NDUFAF2: variants seen among roughly 807,000 people sequenced by gnomAD.
NDUFAF2 encodes the protein NADH dehydrogenase [ubiquinone] 1 alpha subcomplex assembly factor 2.
In NDUFAF2, 13 loss-of-function variants were observed where a neutral mutation model predicts 22.8. That is an observed-to-expected ratio of 0.57 (90% CI 0.37 to 0.91). The LOEUF is 0.91. Among genes scored for constraint, NDUFAF2 ranks in the 40% least tolerant of loss-of-function variants. The pLI is 0.01. For synonymous variants in NDUFAF2, 53 were observed against 64.2 expected, an observed-to-expected ratio of 0.83 and a Z score of 0.84; for missense variants, 162 against 195.2, an observed-to-expected ratio of 0.83 and a Z score of 1.01.
chr5:61,066,802 T>G (rs1385988271), intron 1 of NDUFAF2, among the ~76,000 whole-genome samples: 2 of 152,176 alleles, frequency 1.3e-5, no homozygotes, highest in African/African-American at 4.8e-5. Flanking sequence ...GTTGTGTTGT[T>G]GTTTCATCAT....
chr5:61,106,380 C>G (rs1370969184), intron 3 of NDUFAF2, among the ~76,000 whole-genome samples: 1 of 151,268 alleles, frequency 6.6e-6, no homozygotes. Context: ...AAACATTATT[C>G]ACATAGTATT....
intron 3 of NDUFAF2, among the ~76,000 whole-genome samples, chr5:61,111,149 G>C (rs1752835384): frequency 6.6e-6 from 1 of 152,078 alleles, no homozygotes; most frequent in Non-Finnish European, 1.5e-5. Context: ...TTGATTTCTA[G>C]TTTTATTCCA....
At chr5:61,129,243 C>T (rs946153220) in intron 3 of NDUFAF2, among the ~76,000 whole-genome samples, 1 of 152,142 alleles carries the variant, frequency 6.6e-6, no homozygotes, top group African/African-American at 2.4e-5. Context: ...GGGGATTCCT[C>T]AGGGATCTAG....
At position 60,974,726 on chromosome 5, in the gene NDUFAF2, T is replaced by A. The variant is rs1750878998; in HGVS notation, c.127+29344T>A. 2.0e-5 allele frequency among the ~76,000 whole-genome samples: 3 copies of A among 152,344 alleles called. No homozygotes were observed. The South Asian group carries it at 6.2e-4, about 32-fold the overall frequency. ...CTTCTGGGAATTTTCTCAGTTTTTC[T>A]TGGAATGTCCTTGTTTTTCATGAAT... On this transcript the variant is annotated intron_variant, in intron 1 of 3. Transcript: ENST00000296597.
intron 1 of NDUFAF2, among the ~76,000 whole-genome samples, chr5:61,035,456 A>G (rs550137072): frequency 8.2e-4 from 54 of 65,944 alleles, no homozygotes; most frequent in Admixed American, 1.4e-3. Flanking sequence ...TTTTTTTGGT[A>G]AAGGGCTTTT....
chr5:61,077,014 G>A (rs923775090), intron 2 of NDUFAF2, among the ~76,000 whole-genome samples: 1 of 152,204 alleles, frequency 6.6e-6, no homozygotes, highest in Non-Finnish European at 1.5e-5. Context: ...AGTTAAAGGA[G>A]TGCAGTGAAA....
intron 1 of NDUFAF2, among the ~76,000 whole-genome samples, chr5:60,959,710 T>C (rs937400642): frequency 6.6e-5 from 10 of 152,120 alleles, no homozygotes; most frequent in Non-Finnish European, 8.8e-5. Context: ...AATACTTTGT[T>C]GACTATAAAA....
chr5:61,111,146 C>A (rs1331697919), intron 3 of NDUFAF2, among the ~76,000 whole-genome samples: 1 of 152,070 alleles, frequency 6.6e-6, no homozygotes, highest in East Asian at 1.9e-4. Context: ...CTATTGATTT[C>A]TAGTTTTATT....
chr5:60,982,091 G>T (rs1197501730), intron 1 of NDUFAF2, among the ~76,000 whole-genome samples: 2 of 152,090 alleles, frequency 1.3e-5, no homozygotes, highest in African/African-American at 4.8e-5. Flanking sequence ...GGACAAATAG[G>T]ATTACATCAT....
intron 3 of NDUFAF2, among the ~76,000 whole-genome samples, chr5:61,142,199 C>T (rs1352810494): frequency 1.3e-5 from 2 of 152,074 alleles, no homozygotes; most frequent in Non-Finnish European, 2.9e-5. Context: ...ATTTCTTTTT[C>T]AATTAAATAA....
At chr5:61,064,096 A>G (rs549418767) in intron 1 of NDUFAF2, among the ~76,000 whole-genome samples, 15 of 152,144 alleles carry the variant, frequency 9.9e-5, no homozygotes, top group Non-Finnish European at 2.2e-4. Flanking sequence ...GCGTGGCTGT[A>G]CTTACATATG....
chr5:61,113,364 G>A (rs1436412999), intron 3 of NDUFAF2, among the ~76,000 whole-genome samples: 1 of 152,036 alleles, frequency 6.6e-6, no homozygotes, highest in Non-Finnish European at 1.5e-5. Context: ...TCTTAGCTTT[G>A]TTTATTTTGT....
At chr5:61,025,810 GTAAA>G (rs1336172830) in intron 1 of NDUFAF2, among the ~76,000 whole-genome samples, 3 of 152,018 alleles carry the variant, frequency 2.0e-5, no homozygotes, top group Admixed American at 6.6e-5. Context: ...AAATAAGTAA[GTAAA>G]TAAAGATCAC....
chr5:61,035,294 G>C (rs527336923), intron 1 of NDUFAF2, among the ~76,000 whole-genome samples: 2 of 151,958 alleles, frequency 1.3e-5, no homozygotes, highest in East Asian at 3.9e-4. Context: ...TTGAATTCCT[G>C]ACCTCAAGTG....
chr5:61,079,479 C>G (rs1449318687), intron 2 of NDUFAF2, among the ~76,000 whole-genome samples: 2 of 152,134 alleles, frequency 1.3e-5, no homozygotes, highest in African/African-American at 4.8e-5. Flanking sequence ...TTTAAGCCTC[C>G]TATCTATCTC....
chr5:61,070,812 G>A (rs1752287954), intron 1 of NDUFAF2, among the ~76,000 whole-genome samples: 1 of 152,048 alleles, frequency 6.6e-6, no homozygotes, highest in African/African-American at 2.4e-5. Flanking sequence ...CTCTCCCCAT[G>A]TGCTAAACTT....
At chr5:61,084,736 T>C (rs1752486094) in intron 2 of NDUFAF2, among the ~76,000 whole-genome samples, 1 of 152,186 alleles carries the variant, frequency 6.6e-6, no homozygotes, top group Admixed American at 6.5e-5. Flanking sequence ...TGATGGACAC[T>C]GGAGTTGCTT....
At chr5:61,065,933 AT>A (rs1752221733) in intron 1 of NDUFAF2, among the ~76,000 whole-genome samples, 1 of 152,020 alleles carries the variant, frequency 6.6e-6, no homozygotes. Context: ...GATCCTATAT[AT>A]AAAAAAAATT....
At chr5:60,976,353 T>A (rs1427078539) in intron 1 of NDUFAF2, among the ~76,000 whole-genome samples, 2 of 152,122 alleles carry the variant, frequency 1.3e-5, no homozygotes, top group African/African-American at 4.8e-5. Context: ...AAAGCTTTTT[T>A]AGGCTTTATG....
Sources: gnomAD v4.1 joint callset for allele counts (sites outside exome capture counted in the v4.1 genomes callset) on GRCh38, gnomAD v4.1.1 for gene constraint, MANE v1.5 for transcripts, NCBI Gene and HGNC (gene_info 2026-07-23, HGNC 2026-07-21) for gene names.